FAT3: variants seen among roughly 807,000 people sequenced by gnomAD.
FAT3 encodes protocadherin Fat 3.
A neutral mutation model predicts 310.2 loss-of-function variants in FAT3; 95 were observed. The observed-to-expected ratio is 0.31, with a 90% confidence interval of 0.26 to 0.36. The LOEUF (loss-of-function observed/expected upper bound fraction) is 0.36, where lower values mean the gene tolerates loss of function less well. Among genes scored for constraint, FAT3 ranks in the 10% least tolerant of loss-of-function variants. The pLI is 1.00. For synonymous variants in FAT3, 2,314 were observed against 2,192.9 expected, an observed-to-expected ratio of 1.06 and a Z score of -1.54; for missense variants, 5,408 against 5,715.6, an observed-to-expected ratio of 0.95 and a Z score of 1.74.
chr11:92,271,828 A>G (rs1470449035), intron 1 of FAT3, among the ~76,000 whole-genome samples: 1 of 152,180 alleles, frequency 6.6e-6, no homozygotes, highest in African/African-American at 2.4e-5. Context: ...TTTAAATGTG[A>G]CTTTTCTTTT....
chr11:92,768,038 G>C (rs1946362928), intron 6 of FAT3, among the ~76,000 whole-genome samples: 1 of 152,146 alleles, frequency 6.6e-6, no homozygotes, highest in African/African-American at 2.4e-5. Flanking sequence ...GCTCTCCCTG[G>C]AAGGAGTCCC....
intron 16 of FAT3, among the ~76,000 whole-genome samples, chr11:92,837,342 G>T (rs1340735645): frequency 9.2e-5 from 14 of 152,288 alleles, no homozygotes; most frequent in Non-Finnish European, 4.4e-5. Context: ...ACTAACCAGG[G>T]TGGTTTTGTC....
At chr11:92,305,789 A>C (rs1565213977) in intron 1 of FAT3, among the ~76,000 whole-genome samples, 1 of 152,178 alleles carries the variant, frequency 6.6e-6, no homozygotes, top group Non-Finnish European at 1.5e-5. Context: ...AGACAAAGAC[A>C]GACTAAGGAA....
intron 22 of FAT3, among the ~76,000 whole-genome samples, chr11:92,871,812 A>AGCTT (rs1454292082): frequency 6.6e-6 from 1 of 152,212 alleles, no homozygotes; most frequent in Admixed American, 6.5e-5. Flanking sequence ...CAAGCCTCCA[A>AGCTT]GGAGTTTCTA....
At chr11:92,413,264 G>A (rs1950336270) in intron 2 of FAT3, among the ~76,000 whole-genome samples, 1 of 152,130 alleles carries the variant, frequency 6.6e-6, no homozygotes, top group Non-Finnish European at 1.5e-5. Flanking sequence ...CCAGACAAGT[G>A]GGGCCCATGA....
At chr11:92,392,945 T>C (rs571770270) in intron 2 of FAT3, among the ~76,000 whole-genome samples, 1 of 152,236 alleles carries the variant, frequency 6.6e-6, no homozygotes, top group East Asian at 1.9e-4. Context: ...AATCTGGCAG[T>C]GCCTCAGTTG....
rs75923166 is a variant in FAT3 at position 92,469,474 on chromosome 11, G to T, written c.3293-55160G>T. Among the ~76,000 whole-genome samples, 790 of 152,002 alleles carry T rather than the reference G, an allele frequency of 5.2e-3. 7 individuals are homozygous for T. The highest frequency in any genetic ancestry group is 7.2e-3 in the Non-Finnish European group (491 of 67,986). On this transcript the variant is annotated intron_variant, in intron 2 of 27. Transcript: ENST00000525166. Reference sequence around the variant, plus strand: ...TGAGAAAGAAATAGAGCTAGGATTGGCCTCATCCTTCTTTTAAAGCTTATT... The same window carrying T: ...TGAGAAAGAAATAGAGCTAGGATTGTCCTCATCCTTCTTTTAAAGCTTATT...
intron 2 of FAT3, among the ~76,000 whole-genome samples, chr11:92,414,624 T>G (rs934944596): frequency 1.3e-5 from 2 of 152,240 alleles, no homozygotes; most frequent in South Asian, 4.1e-4. Context: ...TGATTTTCTT[T>G]CTTGGAAACA....
At position 92,542,417 on chromosome 11, in the gene FAT3, T is replaced by G. The variant is rs374588453; in HGVS notation, c.3607+17469T>G. 2.0e-5 allele frequency among the ~76,000 whole-genome samples: 3 copies of G among 151,874 alleles called. No homozygotes were observed. In the South Asian group the frequency reaches 6.2e-4, roughly 32 times the overall value. On this transcript the variant is annotated intron_variant, in intron 3 of 27. Transcript: ENST00000525166. ...AAAACTTAAAGAATGTGAGAAAATA[T>G]TTGTAAGCTATGCATCTAATAAGGG...
chr11:92,747,657 T>G (rs913072501), intron 4 of FAT3, among the ~76,000 whole-genome samples: 4 of 152,242 alleles, frequency 2.6e-5, no homozygotes, highest in Non-Finnish European at 5.9e-5. Context: ...TTCCAAACAT[T>G]TATGCTCTGC....
intron 22 of FAT3, among the ~76,000 whole-genome samples, chr11:92,874,725 G>A (rs1949487539): frequency 6.6e-6 from 1 of 152,138 alleles, no homozygotes; most frequent in South Asian, 2.1e-4. Flanking sequence ...TTTTAGTAGA[G>A]ACGGGGTTTC....
chr11:92,432,930 GC>G (rs1950827290), intron 2 of FAT3, among the ~76,000 whole-genome samples: 1 of 152,202 alleles, frequency 6.6e-6, no homozygotes, highest in Non-Finnish European at 1.5e-5. Flanking sequence ...GAGATGCCCT[GC>G]CCAGAGAGGA....
At chr11:92,561,488 G>C (rs2135470473) in intron 3 of FAT3, among the ~76,000 whole-genome samples, 1 of 152,084 alleles carries the variant, frequency 6.6e-6, no homozygotes, top group South Asian at 2.1e-4. Flanking sequence ...ATAGGACTTT[G>C]TTCCCATAAA....
At chr11:92,348,294 A>G (rs950840826) in intron 1 of FAT3, among the ~76,000 whole-genome samples, 7 of 152,166 alleles carry the variant, frequency 4.6e-5, no homozygotes, top group African/African-American at 1.7e-4. Context: ...TTGTTTTGAA[A>G]TATTTTCTAT....
At chr11:92,612,095 C>T (rs1377449417) in intron 3 of FAT3, among the ~76,000 whole-genome samples, 1 of 152,190 alleles carries the variant, frequency 6.6e-6, no homozygotes, top group East Asian at 1.9e-4. Context: ...ATTTTATTGT[C>T]TCCCTATATT....
chr11:92,315,528 G>T (rs1186530501), intron 1 of FAT3, among the ~76,000 whole-genome samples: 18 of 139,408 alleles, frequency 1.3e-4, no homozygotes, highest in South Asian at 2.3e-4. Flanking sequence ...GAGAGAGAGA[G>T]AGAGAGAGAG....
At chr11:92,383,358 A>G (rs1466221156) in intron 2 of FAT3, among the ~76,000 whole-genome samples, 1 of 152,232 alleles carries the variant, frequency 6.6e-6, no homozygotes, top group African/African-American at 2.4e-5. Flanking sequence ...ATACCCAGTA[A>G]TGGGACTGCT....
intron 2 of FAT3, among the ~76,000 whole-genome samples, chr11:92,473,891 A>T (rs1478086713): frequency 6.6e-6 from 1 of 152,220 alleles, no homozygotes; most frequent in African/African-American, 2.4e-5. Flanking sequence ...TGGAAAGATG[A>T]CTAAAGTGAC....
At chr11:92,882,492 A>T (rs1012239907) in intron 23 of FAT3, among the ~76,000 whole-genome samples, 1 of 150,162 alleles carries the variant, frequency 6.7e-6, no homozygotes, top group African/African-American at 2.5e-5. Context: ...GGAAAGGAAG[A>T]CCTGGGAGAG....
Sources: gnomAD v4.1 joint callset for allele counts (sites outside exome capture counted in the v4.1 genomes callset) on GRCh38, gnomAD v4.1.1 for gene constraint, MANE v1.5 for transcripts, NCBI Gene and HGNC (gene_info 2026-07-23, HGNC 2026-07-21) for gene names.